The following MED17 variants were observed in gnomAD, a reference collection of about 807,000 sequenced individuals.
The protein encoded by MED17 is mediator complex subunit 17.
A neutral mutation model predicts 80.8 loss-of-function variants in MED17; 49 were observed. The observed-to-expected ratio is 0.61, with a 90% CI of 0.48 to 0.77. MED17 has a LOEUF of 0.77. MED17 is among the 30% of genes least tolerant of loss of function. The probability of loss-of-function intolerance (pLI) is 0.00; values close to 1 mark genes in which losing one functional copy is unlikely to be tolerated. For synonymous variants in MED17, 281 were observed against 280.4 expected (o/e 1.00, Z -0.02); for missense variants, 718 against 787.0 (o/e 0.91, Z 1.05).
At chr11:93,793,486 T>G (rs547443118) in intron 3 of MED17, 11 of 412,014 alleles carry the variant, frequency 2.7e-5, no homozygotes, top group Non-Finnish European at 3.0e-5. Flanking sequence ...GGAATTCTTA[T>G]TATGTTGATG....
intron 3 of MED17, among the ~76,000 whole-genome samples, chr11:93,791,732 A>T (rs1009431254): frequency 1.3e-5 from 2 of 152,090 alleles, no homozygotes; most frequent in African/African-American, 4.8e-5. Context: ...ACTGGACATG[A>T]TGCAATTCTC....
intron 5 of MED17, 78 bp downstream of exon 5, chr11:93,794,113 TA>T: frequency 2.8e-6 from 3 of 1,058,196 alleles, no homozygotes; most frequent in Non-Finnish European, 4.0e-6. Flanking sequence ...TAAATATAGG[TA>T]GGAAAAAATA....
chr11:93,786,774 T>C (rs1307181196), intron 1 of MED17, among the ~76,000 whole-genome samples: 1 of 152,092 alleles, frequency 6.6e-6, no homozygotes, highest in Non-Finnish European at 1.5e-5. Context: ...CAGCCGAAAC[T>C]TTTAAATGTA....
chr11:93,811,517 A>C (rs1480301073), intron 11 of MED17: 2 of 294,020 alleles, frequency 6.8e-6, no homozygotes, highest in Non-Finnish European at 1.3e-5. Flanking sequence ...ACCGCCTCCC[A>C]AAAAAAGCTT....
chr11:93,808,689 A>G (rs1438596509), intron 10 of MED17: 1 of 152,034 alleles, frequency 6.6e-6, no homozygotes, highest in Non-Finnish European at 1.5e-5. Context: ...TGGCCAAGTA[A>G]GTAAAATTCA....
chr11:93,799,268 C>T (rs756550421), intron 8 of MED17, among the ~76,000 whole-genome samples: 42 of 150,946 alleles, frequency 2.8e-4, no homozygotes, highest in African/African-American at 2.9e-4. Context: ...CTCTGCCTCT[C>T]GGGTTCAAGC....
intron 9 of MED17, among the ~76,000 whole-genome samples, chr11:93,805,514 G>C (rs929565086): frequency 5.9e-5 from 9 of 152,188 alleles, no homozygotes; most frequent in African/African-American, 2.2e-4. Context: ...CCAGGAGACA[G>C]AGGTTACAGT....
Position 93,784,726 on chromosome 11 carries a change from G to T in MED17, c.213G>T (p.Pro71=). 1 of 1,544,292 alleles carries T rather than the reference G, an allele frequency of 6.5e-7. No individual in the cohort carries two copies. ...CCGAGGGCGACGCGCAGGAGTGGCCGGGCGCCGGGTCCAGCGCAGACCAGG... is the reference window on the plus strand; with the variant it reads ...CCGAGGGCGACGCGCAGGAGTGGCCTGGCGCCGGGTCCAGCGCAGACCAGG... ...AGTEGDAQEW[P]GAGSSADQDD... is the part of the protein sequence containing the mutation. Residue 71 remains proline, a synonymous_variant, in exon 1 of 12, where the codon CCG becomes CCT. Coordinates refer to ENST00000251871, the MANE Select transcript of MED17 (RefSeq NM_004268.5).
In MED17 at chr11:93,794,999, A is replaced by G. The variant is rs577266297; in HGVS notation, c.951A>G (p.Gln317=). 12 of 1,614,086 alleles carry G rather than the reference A, an allele frequency of 7.4e-6. No homozygotes were observed. Among genetic ancestry groups the G allele is most frequent in the Non-Finnish European group, 1.0e-5 (12 of 1,180,036 alleles). ...IFAQLSREAV[Q]IKSQVPHIVV... ...CACAGCTCTCTCGGGAAGCTGTTCA[A>G]ATTAAATCACAAGTCCCTCACATTG... Residue 317 remains glutamine, a synonymous_variant, in exon 6 of 12, where the codon CAA becomes CAG. Transcript: ENST00000251871.
At chr11:93,800,628 CA>C (rs35380211) in intron 8 of MED17, 102,493 of 116,130 alleles carry the variant, frequency 0.88, 45,373 homozygotes, top group Non-Finnish European at 0.95. Flanking sequence ...GACTTTGTCT[CA>C]AAAAAAAAAA....
intron 10 of MED17, 30 bp from the exon 11 acceptor site, chr11:93,809,687 T>A: frequency 3.7e-6 from 6 of 1,613,536 alleles, no homozygotes; most frequent in Non-Finnish European, 5.1e-6. Context: ...CTCTGCTGAC[T>A]GTCAGTCAAG....
intron 3 of MED17, 22 bp downstream of exon 3, chr11:93,790,815 T>G (rs1314348783): frequency 6.2e-7 from 1 of 1,603,906 alleles, no homozygotes. Context: ...TATTAAAAAC[T>G]ATACTTTCTG....
chr11:93,805,743 A>G (rs542696036), intron 9 of MED17, among the ~76,000 whole-genome samples: 1 of 152,308 alleles, frequency 6.6e-6, no homozygotes, highest in African/African-American at 2.4e-5. Context: ...AGATTAATAT[A>G]TCTTCAAGCC....
intron 8 of MED17, 38 bp from the exon 9 acceptor site, chr11:93,801,797 G>T: frequency 6.3e-7 from 1 of 1,592,760 alleles, no homozygotes; most frequent in Non-Finnish European, 8.6e-7. Context: ...ATTTTGTATG[G>T]TGACTTAAAA....
At chr11:93,789,578 A>G (rs1379900785) in intron 2 of MED17, 1 of 152,208 alleles carries the variant, frequency 6.6e-6, no homozygotes, top group African/African-American at 2.4e-5. Flanking sequence ...AAATACACAA[A>G]TTATGGTGAT....
Position 93,812,096 on chromosome 11 carries a change from A to T in MED17, c.*32A>T. 6.3e-7 allele frequency: 1 copy of T among 1,579,530 alleles called. No homozygotes were observed. Among genetic ancestry groups the T allele is most frequent in the Non-Finnish European group, 8.7e-7 (1 of 1,148,812 alleles). On this transcript the variant is annotated 3_prime_UTR_variant, in exon 12 of 12. Coordinates refer to ENST00000251871, the MANE Select transcript of MED17 (RefSeq NM_004268.5). Reference sequence around the variant, plus strand: ...CCAGATGTTTCCTAAAGAAGTTTCCAGAAACTTTGACTTGAAATGTTTGCA... The same window carrying T: ...CCAGATGTTTCCTAAAGAAGTTTCCTGAAACTTTGACTTGAAATGTTTGCA...
intron 9 of MED17, 93 bp from the exon 10 acceptor site, chr11:93,807,425 A>G (rs573255647): frequency 3.2e-5 from 26 of 822,450 alleles, no homozygotes; most frequent in Non-Finnish European, 5.0e-5. Context: ...AAAAATAATA[A>G]TATTTTCTAA....
intron 11 of MED17, chr11:93,810,343 A>G (rs1039898456): frequency 1.3e-5 from 2 of 154,458 alleles, no homozygotes; most frequent in Admixed American, 6.5e-5. Flanking sequence ...AATTTTAAAT[A>G]AAGTGTTTTG....
chr11:93,801,489 A>G (rs907184960), intron 8 of MED17: 6 of 267,522 alleles, frequency 2.2e-5, no homozygotes, highest in Non-Finnish European at 3.7e-5. Flanking sequence ...GATTTATATT[A>G]GGTTTATACC....
Sources: gnomAD v4.1 joint callset for allele counts (sites outside exome capture counted in the v4.1 genomes callset) on GRCh38, gnomAD v4.1.1 for gene constraint, MANE v1.5 for transcripts, NCBI Gene and HGNC (gene_info 2026-07-23, HGNC 2026-07-21) for gene names.